The following TXNDC16 variants were observed in gnomAD, a reference collection of about 807,000 sequenced individuals.
The protein encoded by TXNDC16 is thioredoxin domain-containing protein 16.
A neutral mutation model predicts 85.6 loss-of-function variants in TXNDC16; 74 were observed. The observed-to-expected ratio is 0.86, with a 90% confidence interval of 0.72 to 1.05. The LOEUF is 1.05. Among genes scored for constraint, TXNDC16 ranks in the 50% least tolerant of loss-of-function variants. The probability of loss-of-function intolerance (pLI) is 0.00; values close to 1 mark genes in which losing one functional copy is unlikely to be tolerated. For missense variants in TXNDC16, 959 were observed against 947.0 expected (o/e 1.01, Z -0.17); for synonymous variants, 335 against 326.5 (o/e 1.03, Z -0.28).
At chr14:52,519,977 C>A (rs1032066815) in intron 6 of TXNDC16, among the ~76,000 whole-genome samples, 1 of 152,140 alleles carries the variant, frequency 6.6e-6, no homozygotes. Flanking sequence ...TCTCATTAAA[C>A]CCTCATGCCC....
chr14:52,451,664 C>T (rs922739690), intron 18 of TXNDC16, among the ~76,000 whole-genome samples: 5 of 151,934 alleles, frequency 3.3e-5, no homozygotes, highest in Admixed American at 3.3e-4. Context: ...TAAAAAAACC[C>T]TCAAAAAACT....
In TXNDC16 at chr14:52,486,908, T is replaced by C. The variant is rs756303414; in HGVS notation, c.1108+1455A>G. 5.9e-5 allele frequency among the ~76,000 whole-genome samples: 9 copies of C among 152,282 alleles called. No individual in the cohort carries two copies. In the East Asian group the frequency reaches 7.7e-4, roughly 13 times the overall value. Reference sequence around the variant, plus strand: ...ACCTGATCACCATACATTGTATGTATTGAAACATCACTATGTACCCCACAA... The same window carrying C: ...ACCTGATCACCATACATTGTATGTACTGAAACATCACTATGTACCCCACAA... On this transcript the variant is annotated intron_variant, in intron 12 of 20. Transcript: ENST00000281741.
intron 12 of TXNDC16, among the ~76,000 whole-genome samples, chr14:52,484,202 G>A (rs545271039): frequency 4.0e-5 from 6 of 150,772 alleles, no homozygotes; most frequent in Admixed American, 2.6e-4. Flanking sequence ...ACAATAAGGG[G>A]GGGGGGTGAT....
intron 1 of TXNDC16, among the ~76,000 whole-genome samples, chr14:52,549,838 T>G (rs962835265): frequency 6.6e-6 from 1 of 152,078 alleles, no homozygotes; most frequent in Non-Finnish European, 1.5e-5. Flanking sequence ...GGGGTTTCAC[T>G]GTGTTAGCCA....
chr14:52,496,329 G>T (rs2036531840), intron 9 of TXNDC16, among the ~76,000 whole-genome samples: 1 of 151,850 alleles, frequency 6.6e-6, no homozygotes, highest in Admixed American at 6.6e-5. Flanking sequence ...GGCATATGTT[G>T]CCAGTTCCTT....
intron 6 of TXNDC16, among the ~76,000 whole-genome samples, chr14:52,528,786 T>G (rs912756745): frequency 6.7e-6 from 1 of 148,682 alleles, no homozygotes; most frequent in African/African-American, 2.4e-5. Flanking sequence ...AAAATTAGTA[T>G]GCAAAAATCA....
intron 6 of TXNDC16, among the ~76,000 whole-genome samples, chr14:52,524,760 G>A (rs1421311242): frequency 6.6e-6 from 1 of 152,018 alleles, no homozygotes; most frequent in South Asian, 2.1e-4. Flanking sequence ...CTCCCAAAGT[G>A]CTGGGATTAC....
intron 1 of TXNDC16, among the ~76,000 whole-genome samples, chr14:52,548,348 G>A (rs909376189): frequency 1.8e-4 from 27 of 152,196 alleles, no homozygotes; most frequent in African/African-American, 6.5e-4. Flanking sequence ...AGCAGGTAAT[G>A]GTTGGTCAGC....
intron 9 of TXNDC16, among the ~76,000 whole-genome samples, chr14:52,503,379 C>G (rs190869390): frequency 6.6e-6 from 1 of 152,304 alleles, no homozygotes; most frequent in African/African-American, 2.4e-5. Context: ...ACAAAACTTC[C>G]AGAGGAACAA....
chr14:52,493,215 A>G (rs1169253774), intron 9 of TXNDC16, among the ~76,000 whole-genome samples: 5 of 120,960 alleles, frequency 4.1e-5, no homozygotes, highest in Non-Finnish European at 7.2e-5. Flanking sequence ...ATATATATAT[A>G]TACACACACA....
intron 9 of TXNDC16, among the ~76,000 whole-genome samples, chr14:52,507,470 G>A (rs893204785): frequency 7.2e-5 from 11 of 152,134 alleles, no homozygotes; most frequent in South Asian, 2.1e-4. Context: ...AATCAATATC[G>A]TGAAAATGGC....
At chr14:52,537,792 GTTT>G (rs1361845495) in intron 4 of TXNDC16, 120 bp from the exon 5 acceptor site, 13 of 618,936 alleles carry the variant, frequency 2.1e-5, no homozygotes, top group Non-Finnish European at 3.4e-5. Context: ...TGTATTTTAT[GTTT>G]TTTTCTGATT....
chr14:52,432,210 G>T lies in TXNDC16; in HGVS notation c.*94C>A. ...ATTATAATTCTATTGGATGGCACTA[G>T]TCTGCAAACTTGAAATGATTTAATA... On this transcript the variant is annotated 3_prime_UTR_variant, in exon 21 of 21. Coordinates refer to ENST00000281741, the MANE Select transcript of TXNDC16 (RefSeq NM_020784.3). The T allele has an allele frequency of 1.7e-6, 2 of 1,145,064 alleles. No homozygotes were observed. The highest frequency in any genetic ancestry group is 2.4e-6 in the Non-Finnish European group (2 of 828,684). 70.9% of individuals were successfully genotyped at this position (1,145,064 alleles called of 1,614,324 possible). A position where few individuals can be genotyped will look rare whatever the true frequency, so the allele number is the denominator to read the frequency against.
At chr14:52,439,455 G>A (rs1057482854) in intron 19 of TXNDC16, 61 bp from the exon 20 acceptor site, 1 of 1,440,810 alleles carries the variant, frequency 6.9e-7, no homozygotes. Flanking sequence ...AATGAAAATA[G>A]TAATTCGTAG....
chr14:52,503,610 C>A (rs2036716144), intron 9 of TXNDC16, among the ~76,000 whole-genome samples: 1 of 152,144 alleles, frequency 6.6e-6, no homozygotes, highest in South Asian at 2.1e-4. Flanking sequence ...AGATAAAAAA[C>A]CACAAAGATG....
intron 20 of TXNDC16, among the ~76,000 whole-genome samples, chr14:52,437,691 T>C (rs2035061763): frequency 6.6e-6 from 1 of 152,132 alleles, no homozygotes; most frequent in Non-Finnish European, 1.5e-5. Context: ...AGCCAGAGAA[T>C]ATAAGGAGCT....
intron 1 of TXNDC16, among the ~76,000 whole-genome samples, chr14:52,544,855 A>G (rs1401347280): frequency 6.6e-6 from 1 of 152,130 alleles, no homozygotes; most frequent in Non-Finnish European, 1.5e-5. Context: ...AGCAAGAACT[A>G]TAAGAGGTAT....
intron 18 of TXNDC16, among the ~76,000 whole-genome samples, chr14:52,450,851 TTTTATATATATA>T (rs759119338): frequency 8.7e-4 from 28 of 32,112 alleles, no homozygotes; most frequent in South Asian, 1.4e-3. Context: ...AGAAAATGTG[TTTTATATATATA>T]TATATATATA....
At chr14:52,536,656 T>C in intron 6 of TXNDC16, 63 bp downstream of exon 6, 1 of 1,334,166 alleles carries the variant, frequency 7.5e-7, no homozygotes. Flanking sequence ...ATTGTGGTTA[T>C]TTAAAATGAA....
Sources: gnomAD v4.1 joint callset for allele counts (sites outside exome capture counted in the v4.1 genomes callset) on GRCh38, gnomAD v4.1.1 for gene constraint, MANE v1.5 for transcripts, NCBI Gene and HGNC (gene_info 2026-07-23, HGNC 2026-07-21) for gene names.